Variants in SMAP1 observed in about 807,000 individuals in gnomAD.
The protein encoded by SMAP1 is small ArfGAP 1.
Under a neutral mutation model 58.5 loss-of-function variants are expected in SMAP1, and 24 were observed. That is an observed-to-expected ratio of 0.41 (90% confidence interval 0.30 to 0.58). SMAP1 has a LOEUF of 0.58. SMAP1 is among the 20% of genes least tolerant of loss of function. The probability of loss-of-function intolerance (pLI) is 0.29; values close to 1 mark genes in which losing one functional copy is unlikely to be tolerated. For synonymous variants in SMAP1, 216 were observed against 196.6 expected (o/e 1.10, Z -0.82); for missense variants, 563 against 566.3 (o/e 0.99, Z 0.06).
At chr6:70,710,913 A>G (rs930984611) in intron 1 of SMAP1, among the ~76,000 whole-genome samples, 1 of 152,188 alleles carries the variant, frequency 6.6e-6, no homozygotes, top group East Asian at 1.9e-4. Context: ...GAACACCCAT[A>G]TTAGCCTAGG....
chr6:70,788,174 A>G (rs1582188776), intron 4 of SMAP1, among the ~76,000 whole-genome samples: 1 of 151,888 alleles, frequency 6.6e-6, no homozygotes, highest in South Asian at 2.1e-4. Context: ...ACTGGAAACC[A>G]TCATTCTCAG....
At chr6:70,835,654 G>A (rs1286090388) in intron 6 of SMAP1, among the ~76,000 whole-genome samples, 1 of 152,008 alleles carries the variant, frequency 6.6e-6, no homozygotes, top group Non-Finnish European at 1.5e-5. Flanking sequence ...CTACAGGTGT[G>A]CACCACCACA....
At chr6:70,766,422 T>C (rs1046003225) in intron 3 of SMAP1, among the ~76,000 whole-genome samples, 21 of 152,220 alleles carry the variant, frequency 1.4e-4, no homozygotes, top group African/African-American at 4.8e-4. Flanking sequence ...TTCCTGACTT[T>C]TTAATGATTG....
intron 4 of SMAP1, among the ~76,000 whole-genome samples, chr6:70,788,110 C>G (rs1440824983): frequency 2.6e-5 from 4 of 151,868 alleles, no homozygotes; most frequent in Non-Finnish European, 2.9e-5. Flanking sequence ...CCATGGAATA[C>G]TATGCAGCCA....
chr6:70,768,744 A>G (rs1455844837), intron 3 of SMAP1, among the ~76,000 whole-genome samples: 3 of 151,686 alleles, frequency 2.0e-5, no homozygotes, highest in Non-Finnish European at 2.9e-5. Context: ...TTGTGTCTCT[A>G]TTTCCTTCAG....
At chr6:70,805,498 T>G (rs1769084565) in intron 6 of SMAP1, among the ~76,000 whole-genome samples, 3 of 152,212 alleles carry the variant, frequency 2.0e-5, no homozygotes, top group Admixed American at 2.0e-4. Context: ...TGAAGCCTAC[T>G]TCAGTCAACT....
intron 3 of SMAP1, among the ~76,000 whole-genome samples, chr6:70,758,022 A>G (rs1766577718): frequency 6.6e-6 from 1 of 152,106 alleles, no homozygotes; most frequent in Non-Finnish European, 1.5e-5. Context: ...ATTACTGGGT[A>G]TATACCCAAA....
At chr6:70,841,143 C>G (rs1770791411) in intron 7 of SMAP1, among the ~76,000 whole-genome samples, 1 of 152,216 alleles carries the variant, frequency 6.6e-6, no homozygotes, top group Admixed American at 6.5e-5. Context: ...ATAAGACCGC[C>G]TCTGAGAATA....
rs549073080 is a variant in SMAP1, at chr6:70,860,949, C to T, written c.*615C>T. ...GCTTAAAGAATTCAAATTTTATCTGCCTCTCTTGTAATTTGGATCTCTTCT... is the reference window on the plus strand; with the variant it reads ...GCTTAAAGAATTCAAATTTTATCTGTCTCTCTTGTAATTTGGATCTCTTCT... On this transcript the variant is annotated 3_prime_UTR_variant, in exon 11 of 11. Transcript: ENST00000370455. 53 of 360,584 alleles carry T rather than the reference C, an allele frequency of 1.5e-4. No individual in the cohort carries two copies. Among genetic ancestry groups the T allele is most frequent in the Non-Finnish European group, 2.2e-4 (45 of 201,874 alleles). 22.3% of individuals were successfully genotyped at this position (360,584 alleles called of 1,614,324 possible).
At chr6:70,814,151 C>G (rs1471457392) in intron 6 of SMAP1, among the ~76,000 whole-genome samples, 1 of 152,136 alleles carries the variant, frequency 6.6e-6, no homozygotes, top group Non-Finnish European at 1.5e-5. Context: ...GATGGCTGTT[C>G]TGTCTTTTAC....
rs139837440 is a variant in SMAP1, at chr6:70,788,808, T to C, written c.415-2881T>C. On this transcript the variant is annotated intron_variant, in intron 4 of 10. Transcript: ENST00000370455. ...TTAAGGAGTTTGTACTCTGTCCTTA[T>C]ATAATGTATATAAACTATTCAGGCC... Among the ~76,000 whole-genome samples, 5 of 152,308 alleles carry C rather than the reference T, an allele frequency of 3.3e-5. No individual in the cohort carries two copies. In the East Asian group the frequency reaches 9.6e-4, roughly 29 times the overall value.
chr6:70,807,620 T>C (rs1007036911), intron 6 of SMAP1, among the ~76,000 whole-genome samples: 2 of 152,348 alleles, frequency 1.3e-5, no homozygotes, highest in African/African-American at 4.8e-5. Flanking sequence ...TTTTAATTTG[T>C]CCTTTGGAAG....
chr6:70,777,976 T>C (rs1767612681), intron 4 of SMAP1, among the ~76,000 whole-genome samples: 1 of 152,138 alleles, frequency 6.6e-6, no homozygotes, highest in Non-Finnish European at 1.5e-5. Flanking sequence ...GGTCTCGAAC[T>C]CCTGGCCTCA....
rs745587315 is a variant in SMAP1 at position 70,725,093 on chromosome 6, G to GTTTTT, written c.119-7248_119-7244dup. ...GACTCCATATCCTAAATTAACCAGT[G>GTTTTT]TTTTTTTTTTTTTTTTTTTTTTTTT... is the stretch of plus-strand genomic sequence containing the variant. On this transcript the variant is annotated intron_variant, in intron 1 of 10. Coordinates refer to ENST00000370455, the MANE Select transcript of SMAP1 (RefSeq NM_001044305.3). Among the ~76,000 whole-genome samples the GTTTTT allele has an allele frequency of 1.5e-3, 70 of 47,822 alleles. 28 individuals carry two copies. Among genetic ancestry groups the GTTTTT allele is most frequent in the Non-Finnish European group, 2.2e-3 (54 of 24,998 alleles). The allele number at this position is 47,822 out of a possible 152,430, so 31.4% of individuals were successfully genotyped here.
At chr6:70,848,054 GT>G (rs777177733) in intron 7 of SMAP1, among the ~76,000 whole-genome samples, 1 of 152,174 alleles carries the variant, frequency 6.6e-6, no homozygotes, top group Non-Finnish European at 1.5e-5. Flanking sequence ...CTGAATAACT[GT>G]TTTCAGCATC....
chr6:70,674,227 C>T (rs894311874), intron 1 of SMAP1, among the ~76,000 whole-genome samples: 5 of 151,936 alleles, frequency 3.3e-5, no homozygotes, highest in African/African-American at 1.2e-4. Context: ...ATCCTCCCAC[C>T]TCAGCCTCTC....
At chr6:70,818,489 G>A (rs1294116200) in intron 6 of SMAP1, among the ~76,000 whole-genome samples, 1 of 152,176 alleles carries the variant, frequency 6.6e-6, no homozygotes, top group Non-Finnish European at 1.5e-5. Flanking sequence ...ATAGAATAAA[G>A]AAGGTTATAA....
At chr6:70,700,852 G>A (rs1231835811) in intron 1 of SMAP1, among the ~76,000 whole-genome samples, 3 of 152,160 alleles carry the variant, frequency 2.0e-5, no homozygotes, top group African/African-American at 7.2e-5. Context: ...GCAGGTAATG[G>A]ATCCTGCCAG....
At chr6:70,689,513 T>C (rs931933516) in intron 1 of SMAP1, among the ~76,000 whole-genome samples, 1 of 152,216 alleles carries the variant, frequency 6.6e-6, no homozygotes, top group Non-Finnish European at 1.5e-5. Context: ...GTGTAAGTCT[T>C]CCAACTTTGT....
Sources: gnomAD v4.1 joint callset for allele counts (sites outside exome capture counted in the v4.1 genomes callset) on GRCh38, gnomAD v4.1.1 for gene constraint, MANE v1.5 for transcripts, NCBI Gene and HGNC (gene_info 2026-07-23, HGNC 2026-07-21) for gene names.